Variants in PHACTR4 observed in about 807,000 individuals in gnomAD.
The protein encoded by PHACTR4 is phosphatase and actin regulator 4.
In PHACTR4, 51 loss-of-function variants were observed where a neutral mutation model predicts 72.7. The observed-to-expected ratio is 0.70, with a 90% CI of 0.56 to 0.89. The LOEUF is 0.89. Ranked by LOEUF, PHACTR4 falls within the 40% of genes least tolerant of loss-of-function variation. The pLI is 0.00. For missense variants in PHACTR4, 731 were observed against 861.8 expected (o/e 0.85, Z 1.90); for synonymous variants, 255 against 302.5 (o/e 0.84, Z 1.63).
intron 9 of PHACTR4, among the ~76,000 whole-genome samples, chr1:28,481,177 C>T (rs1660257547): frequency 1.3e-5 from 2 of 152,002 alleles, no homozygotes; most frequent in South Asian, 4.1e-4. Flanking sequence ...CTCAGGCATG[C>T]GCCACCATGC....
intron 2 of PHACTR4, among the ~76,000 whole-genome samples, chr1:28,432,470 T>C (rs1656339236): frequency 6.7e-6 from 1 of 150,048 alleles, no homozygotes; most frequent in Non-Finnish European, 1.5e-5. Context: ...AGTGTGACCC[T>C]GTCTCTATAA....
intron 8 of PHACTR4, 72 bp downstream of exon 8, chr1:28,476,363 G>A: frequency 7.1e-7 from 1 of 1,407,552 alleles, no homozygotes; most frequent in Non-Finnish European, 9.4e-7. Context: ...CTTAGCAAGT[G>A]TCAAAAGAGA....
chr1:28,492,579 T>C (rs903527434), intron 12 of PHACTR4, among the ~76,000 whole-genome samples: 2 of 151,806 alleles, frequency 1.3e-5, no homozygotes, highest in African/African-American at 2.4e-5. Context: ...CTGGCCAACA[T>C]GGTGAAACCC....
At chr1:28,373,556 C>T (rs1016755032) in intron 1 of PHACTR4, among the ~76,000 whole-genome samples, 1 of 152,142 alleles carries the variant, frequency 6.6e-6, no homozygotes, top group Non-Finnish European at 1.5e-5. Context: ...TCCCAAAGTT[C>T]TGGGATTACA....
At chr1:28,427,757 GCAGGGATTATTTTCCCCTGTTGTATTCA>G (rs532959623) in intron 2 of PHACTR4, among the ~76,000 whole-genome samples, 1 of 152,206 alleles carries the variant, frequency 6.6e-6, no homozygotes, top group African/African-American at 2.4e-5. Context: ...TGGGAAGAGG[GCAGGGATTATTTTCCCCTGTTGTATTCA>G]CTGCTGTGTC....
chr1:28,394,284 G>A (rs1653302108), intron 1 of PHACTR4, among the ~76,000 whole-genome samples: 1 of 150,836 alleles, frequency 6.6e-6, no homozygotes, highest in Non-Finnish European at 1.5e-5. Context: ...GGGACGGAGG[G>A]AAGGAAAGGA....
At chr1:28,381,590 G>A (rs1037285808) in intron 1 of PHACTR4, among the ~76,000 whole-genome samples, 2 of 152,034 alleles carry the variant, frequency 1.3e-5, no homozygotes, top group Admixed American at 6.6e-5. Context: ...GAGCCACTGC[G>A]CCTGGCCTGG....
chr1:28,390,007 T>C (rs2124187316), intron 1 of PHACTR4, among the ~76,000 whole-genome samples: 1 of 152,222 alleles, frequency 6.6e-6, no homozygotes, highest in South Asian at 2.1e-4. Context: ...AAATTTGGTA[T>C]ATATACACAA....
intron 4 of PHACTR4, among the ~76,000 whole-genome samples, chr1:28,463,195 G>GTT (rs889476599): frequency 6.8e-6 from 1 of 147,080 alleles, no homozygotes; most frequent in Non-Finnish European, 1.5e-5. Context: ...GTGAGACCCT[G>GTT]TTTTTTTTTT....
At chr1:28,386,026 C>T (rs531110325) in intron 1 of PHACTR4, among the ~76,000 whole-genome samples, 11 of 152,134 alleles carry the variant, frequency 7.2e-5, no homozygotes, top group Non-Finnish European at 1.3e-4. Flanking sequence ...GTTTTACTTC[C>T]GATTATGCAA....
intron 13 of PHACTR4, 97 bp downstream of exon 13, chr1:28,493,188 A>G (rs1661144348): frequency 3.9e-6 from 4 of 1,027,954 alleles, no homozygotes; most frequent in Non-Finnish European, 6.0e-6. Context: ...TAAAAAGGAA[A>G]ACACTCAGTG....
chr1:28,406,224 T>G (rs1654315457), intron 1 of PHACTR4, among the ~76,000 whole-genome samples: 1 of 152,200 alleles, frequency 6.6e-6, no homozygotes, highest in South Asian at 2.1e-4. Context: ...TTGTCATGTA[T>G]TATTCTAGTT....
chr1:28,479,612 G>A (rs1259663447), intron 8 of PHACTR4, among the ~76,000 whole-genome samples: 4 of 148,932 alleles, frequency 2.7e-5, no homozygotes, highest in Admixed American at 6.7e-5. Flanking sequence ...GAGGCCAGGC[G>A]TGGTGGCTCA....
intron 13 of PHACTR4, among the ~76,000 whole-genome samples, chr1:28,495,619 T>A (rs1274112784): frequency 9.3e-5 from 14 of 150,660 alleles, no homozygotes; most frequent in Non-Finnish European, 1.6e-4. Flanking sequence ...ATTTATTTTT[T>A]TTTTTTTTAT....
intron 2 of PHACTR4, among the ~76,000 whole-genome samples, chr1:28,433,454 C>A (rs796704549): frequency 7.6e-6 from 1 of 132,440 alleles, no homozygotes; most frequent in Non-Finnish European, 1.6e-5. Flanking sequence ...TCTTTTTTTT[C>A]TTTTTTTCTT....
chr1:28,394,333 G>C (rs1453568289), intron 1 of PHACTR4, among the ~76,000 whole-genome samples: 2 of 149,892 alleles, frequency 1.3e-5, no homozygotes, highest in Non-Finnish European at 3.0e-5. Context: ...AGACAGAGCA[G>C]AGAGAGAAAG....
intron 2 of PHACTR4, among the ~76,000 whole-genome samples, chr1:28,454,270 CTTTTT>C (rs945039969): frequency 7.4e-5 from 7 of 95,084 alleles, no homozygotes; most frequent in Non-Finnish European, 9.8e-5. Context: ...ATCACTTTGT[CTTTTT>C]TTTTTTTTTT....
intron 1 of PHACTR4, among the ~76,000 whole-genome samples, chr1:28,378,363 G>A (rs995990987): frequency 1.1e-4 from 17 of 148,840 alleles, no homozygotes; most frequent in South Asian, 8.4e-4. Flanking sequence ...AATTGGCTGC[G>A]TGTGGTGGCA....
At chr1:28,411,058 T>C (rs923334550) in intron 2 of PHACTR4, among the ~76,000 whole-genome samples, 10 of 151,378 alleles carry the variant, frequency 6.6e-5, no homozygotes, top group African/African-American at 2.4e-4. Context: ...TTTTTGGGGG[T>C]TTTTTTGAGG....
Sources: allele counts gnomAD v4.1 joint callset (sites outside exome capture counted in the v4.1 genomes callset), GRCh38; gene constraint gnomAD v4.1.1; transcripts MANE v1.5; gene names NCBI Gene and HGNC (gene_info 2026-07-23, HGNC 2026-07-21).